Variants in ZMYM4 observed in about 807,000 individuals in gnomAD.
ZMYM4 encodes zinc finger MYM-type containing 4.
Under a neutral mutation model 183.2 loss-of-function variants are expected in ZMYM4, and 31 were observed. The ratio of observed to expected loss-of-function variants is 0.17; its 90% CI spans 0.13 to 0.23. The LOEUF (loss-of-function observed/expected upper bound fraction) is 0.23. Among genes scored for constraint, ZMYM4 ranks in the 10% least tolerant of loss-of-function variants. ZMYM4 has a pLI of 1.00. For missense variants in ZMYM4, 1,273 were observed against 1,840.3 expected (o/e 0.69, Z 5.64); for synonymous variants, 592 against 631.2 (o/e 0.94, Z 0.93).
intron 1 of ZMYM4, among the ~76,000 whole-genome samples, chr1:35,313,468 A>G (rs777610111): frequency 1.4e-5 from 2 of 147,344 alleles, no homozygotes; most frequent in East Asian, 2.0e-4. Context: ...AGCCCACTGC[A>G]ACGTCCACCT....
intron 5 of ZMYM4, among the ~76,000 whole-genome samples, chr1:35,367,307 C>T (rs1644108877): frequency 1.3e-5 from 2 of 151,730 alleles, no homozygotes; most frequent in Admixed American, 1.3e-4. Context: ...GCAACCTCTG[C>T]CCTCCCACCA....
intron 1 of ZMYM4, among the ~76,000 whole-genome samples, chr1:35,297,931 G>GT (rs1641097644): frequency 6.6e-6 from 1 of 152,210 alleles, no homozygotes. Flanking sequence ...AATATGGAAA[G>GT]TTTAACATAA....
At chr1:35,415,928 A>C (rs754634050) in intron 28 of ZMYM4, among the ~76,000 whole-genome samples, 7 of 152,242 alleles carry the variant, frequency 4.6e-5, no homozygotes, top group Non-Finnish European at 1.0e-4. Context: ...CTTTTAAATT[A>C]GAAATTTTGA....
intron 28 of ZMYM4, among the ~76,000 whole-genome samples, chr1:35,417,238 CAAA>C (rs755183094): frequency 1.4e-4 from 12 of 83,496 alleles, no homozygotes; most frequent in Non-Finnish European, 1.3e-4. Flanking sequence ...CCCTGTCTCC[CAAA>C]AAAAAAAAAA....
intron 1 of ZMYM4, among the ~76,000 whole-genome samples, chr1:35,299,854 G>A (rs1050572586): frequency 1.3e-5 from 2 of 151,506 alleles, no homozygotes; most frequent in Non-Finnish European, 2.9e-5. Flanking sequence ...GAGTGCAATG[G>A]TGCCATCTCG....
chr1:35,296,836 TTTCTTTC>T (rs1641037462), intron 1 of ZMYM4, among the ~76,000 whole-genome samples: 1 of 130,354 alleles, frequency 7.7e-6, no homozygotes, highest in Non-Finnish European at 1.5e-5. Flanking sequence ...TTTTTCTTTC[TTTCTTTC>T]TTTTTTTTTT....
At chr1:35,371,352 G>A (rs1454914170) in intron 7 of ZMYM4, among the ~76,000 whole-genome samples, 2 of 152,010 alleles carry the variant, frequency 1.3e-5, no homozygotes, top group Non-Finnish European at 2.9e-5. Context: ...TCCTGACCTC[G>A]TGATCTGCCT....
At chr1:35,406,255 AGTTCCTAT>A (rs1645001024) in intron 25 of ZMYM4, among the ~76,000 whole-genome samples, 1 of 152,162 alleles carries the variant, frequency 6.6e-6, no homozygotes, top group Non-Finnish European at 1.5e-5. Context: ...TAACTCATTG[AGTTCCTAT>A]AGATGAAATG....
intron 2 of ZMYM4, among the ~76,000 whole-genome samples, chr1:35,334,914 C>T (rs1341179217): frequency 6.6e-6 from 1 of 152,100 alleles, no homozygotes; most frequent in Non-Finnish European, 1.5e-5. Context: ...GTTTTTCTCA[C>T]TCCTTAGTTA....
At chr1:35,390,274 T>A (rs1644675547) in intron 15 of ZMYM4, among the ~76,000 whole-genome samples, 176 bp downstream of exon 15, 1 of 152,178 alleles carries the variant, frequency 6.6e-6, no homozygotes, top group African/African-American at 2.4e-5. Context: ...TTCACTGTCG[T>A]CCGTGTGAAG....
At chr1:35,330,164 G>T (rs1393887080) in intron 2 of ZMYM4, among the ~76,000 whole-genome samples, 2 of 143,914 alleles carry the variant, frequency 1.4e-5, no homozygotes, top group African/African-American at 5.0e-5. Flanking sequence ...ACGGTGAGCT[G>T]ATGGTGCCAT....
At chr1:35,373,394 A>G (rs944534391) in intron 7 of ZMYM4, among the ~76,000 whole-genome samples, 5 of 125,924 alleles carry the variant, frequency 4.0e-5, no homozygotes, top group Non-Finnish European at 7.8e-5. Context: ...TTTTTTTTTG[A>G]GACCGAGTCT....
At chr1:35,383,057 A>G (rs990452005) in intron 9 of ZMYM4, among the ~76,000 whole-genome samples, 3 of 152,208 alleles carry the variant, frequency 2.0e-5, no homozygotes, top group Non-Finnish European at 4.4e-5. Context: ...ATAGGAAGAA[A>G]TAGATGTGGA....
chr1:35,403,850 T>TA (rs953416661), intron 23 of ZMYM4, among the ~76,000 whole-genome samples: 1 of 152,214 alleles, frequency 6.6e-6, no homozygotes, highest in Non-Finnish European at 1.5e-5. Context: ...TTTTAAGCTA[T>TA]AAATGCTGTT....
chr1:35,283,675 T>A (rs1348177082), intron 1 of ZMYM4, among the ~76,000 whole-genome samples: 11 of 152,088 alleles, frequency 7.2e-5, no homozygotes, highest in Non-Finnish European at 1.6e-4. Context: ...TTTGAATTTT[T>A]CCAGTGACTA....
intron 2 of ZMYM4, among the ~76,000 whole-genome samples, chr1:35,353,498 A>G (rs967617348): frequency 3.3e-5 from 5 of 151,984 alleles, no homozygotes; most frequent in Non-Finnish European, 7.4e-5. Flanking sequence ...CTCATTTTTT[A>G]ATCACTCTTC....
intron 17 of ZMYM4, among the ~76,000 whole-genome samples, chr1:35,393,062 CT>C (rs1034616077): frequency 7.4e-4 from 112 of 152,168 alleles, no homozygotes; most frequent in African/African-American, 2.7e-3. Flanking sequence ...AAAAAAAATT[CT>C]TTTTTTAACC....
intron 2 of ZMYM4, among the ~76,000 whole-genome samples, chr1:35,342,276 T>G (rs1172290809): frequency 6.6e-6 from 1 of 151,946 alleles, no homozygotes; most frequent in East Asian, 1.9e-4. Flanking sequence ...CACCTCACCC[T>G]CCCCCGTAGC....
intron 2 of ZMYM4, among the ~76,000 whole-genome samples, chr1:35,333,005 C>G (rs573082828): frequency 6.6e-6 from 1 of 152,146 alleles, no homozygotes; most frequent in African/African-American, 2.4e-5. Context: ...AGCTATAGAC[C>G]CCACATCTTA....
Sources: allele counts gnomAD v4.1 joint callset (sites outside exome capture counted in the v4.1 genomes callset), GRCh38; gene constraint gnomAD v4.1.1; transcripts MANE v1.5; gene names NCBI Gene and HGNC (gene_info 2026-07-23, HGNC 2026-07-21).